Variants in ABCA9 observed in about 807,000 individuals in gnomAD.
ABCA9 encodes ATP-binding cassette sub-family A member 9.
In ABCA9, 183 loss-of-function variants were observed where a neutral mutation model predicts 205.3. The ratio of observed to expected loss-of-function variants is 0.89; its 90% CI spans 0.79 to 1.01. The LOEUF is 1.01. ABCA9 is among the 50% of genes least tolerant of loss of function. ABCA9 has a pLI of 0.00. For missense variants in ABCA9, 1,805 were observed against 1,912.4 expected (o/e 0.94, Z 1.05); for synonymous variants, 651 against 683.3 (o/e 0.95, Z 0.74).
intron 23 of ABCA9, among the ~76,000 whole-genome samples, chr17:69,009,769 T>C (rs796247895): frequency 1.3e-5 from 2 of 152,276 alleles, no homozygotes; most frequent in African/African-American, 4.8e-5. Flanking sequence ...GAAAACTTTC[T>C]AGAAAGATTC....
the ABCA9 span, among the ~76,000 whole-genome samples, chr17:69,069,094 T>C: frequency 6.6e-6 from 1 of 152,182 alleles, no homozygotes; most frequent in Admixed American, 6.5e-5. Context: ...GTAAAGAGCG[T>C]GGAAGTCATT....
chr17:69,017,111 G>C (rs1180112974), intron 21 of ABCA9, among the ~76,000 whole-genome samples: 1 of 151,930 alleles, frequency 6.6e-6, no homozygotes, highest in Non-Finnish European at 1.5e-5. Context: ...CTTTATTTTT[G>C]GCATGGAGTT....
Position 69,044,478 on chromosome 17 carries a change from C to T in ABCA9, c.573+19G>A. ...AATTCAAATGCAATGTGGTTAGATT[C>T]CTTTAACTTTATACTCACTTCTATG... On this transcript the variant is annotated intron_variant, in intron 5 of 38. Coordinates refer to ENST00000340001, the MANE Select transcript of ABCA9 (RefSeq NM_080283.4). The T allele has an allele frequency of 6.2e-7, 1 of 1,603,394 alleles. No individual in the cohort carries two copies. The highest frequency in any genetic ancestry group is 8.5e-7 in the Non-Finnish European group (1 of 1,171,856).
upstream of ABCA9, among the ~76,000 whole-genome samples, chr17:69,063,015 C>G (rs1381828815): frequency 6.6e-6 from 1 of 152,186 alleles, no homozygotes; most frequent in East Asian, 1.9e-4. Context: ...AGGCATTATT[C>G]TAATCAACCC....
intron 30 of ABCA9, 87 bp downstream of exon 30, chr17:68,989,726 T>C (rs1303272948): frequency 6.2e-6 from 5 of 803,208 alleles, no homozygotes; most frequent in South Asian, 1.8e-5. Flanking sequence ...TGTCAATAGA[T>C]GTCCCCAGAT....
chr17:69,015,572 TC>T (rs1475015588), intron 22 of ABCA9, among the ~76,000 whole-genome samples: 1 of 152,146 alleles, frequency 6.6e-6, no homozygotes, highest in East Asian at 1.9e-4. Context: ...TTTTGATGCA[TC>T]CCAAGAAAAA....
chr17:69,008,337 T>G (rs1392670381), intron 23 of ABCA9, 102 bp from the exon 24 acceptor site: 1 of 1,086,210 alleles, frequency 9.2e-7, no homozygotes, highest in Non-Finnish European at 1.4e-6. Context: ...CTTCGCCTTT[T>G]AGAAATATTA....
the ABCA9 span, among the ~76,000 whole-genome samples, chr17:69,068,015 G>A: frequency 6.6e-6 from 1 of 152,118 alleles, no homozygotes; most frequent in Non-Finnish European, 1.5e-5. Context: ...CACAATATCT[G>A]GGGGGCACTA....
chr17:69,049,459 A>G lies in ABCA9; in HGVS notation c.128T>C (p.Phe43Ser). ...EWLFSFLLVL[F>S]LYLFFSNLHQ... ...TAAATTGGAGAAAAATAGGTACAGA[A>G]ACAGTACCAGAAGAAATGAAAAGAG... is the stretch of plus-strand genomic sequence containing the variant. Residue 43 changes from phenylalanine to serine, a missense_variant, in exon 3 of 39, where the codon TTT becomes TCT. Transcript: ENST00000340001. 1 of 1,612,596 alleles carries G rather than the reference A, an allele frequency of 6.2e-7. No homozygotes were observed. The highest frequency in any genetic ancestry group is 8.5e-7 in the Non-Finnish European group (1 of 1,179,106).
At chr17:68,983,407 G>A (rs1475803414) in intron 36 of ABCA9, among the ~76,000 whole-genome samples, 2 of 152,088 alleles carry the variant, frequency 1.3e-5, no homozygotes. Context: ...CCTTTAATGA[G>A]GGATGGTTTT....
chr17:69,066,426 T>G, the ABCA9 span, among the ~76,000 whole-genome samples: 6 of 152,042 alleles, frequency 3.9e-5, no homozygotes, highest in African/African-American at 1.4e-4. Flanking sequence ...GGTTGTAGGT[T>G]GGGTGGTAGT....
chr17:69,028,471 A>C (rs1169830501), intron 12 of ABCA9, 64 bp downstream of exon 12: 10 of 1,176,074 alleles, frequency 8.5e-6, no homozygotes, highest in Non-Finnish European at 1.2e-5. Flanking sequence ...AGCCCCAGTT[A>C]AATAATTAAA....
the ABCA9 span, among the ~76,000 whole-genome samples, chr17:69,067,511 G>A: frequency 6.6e-6 from 1 of 150,602 alleles, no homozygotes; most frequent in Non-Finnish European, 1.5e-5. Flanking sequence ...AGCTGAGATG[G>A]CGCCACAGCC....
At chr17:68,985,814 C>T (rs537218819) in intron 32 of ABCA9, among the ~76,000 whole-genome samples, 1 of 149,934 alleles carries the variant, frequency 6.7e-6, no homozygotes, top group Admixed American at 6.6e-5. Flanking sequence ...AAAGTTAGCC[C>T]GGCATGATGG....
intron 6 of ABCA9, among the ~76,000 whole-genome samples, chr17:69,037,305 A>C (rs1203287580): frequency 6.6e-6 from 1 of 152,194 alleles, no homozygotes; most frequent in East Asian, 1.9e-4. Context: ...AATCGACTAC[A>C]TAATCGGAAG....
chr17:69,000,050 C>G (rs928977727), intron 25 of ABCA9, among the ~76,000 whole-genome samples: 3 of 151,690 alleles, frequency 2.0e-5, no homozygotes, highest in Non-Finnish European at 1.5e-5. Flanking sequence ...GAGTAGGTTG[C>G]GAAAATTTTC....
upstream of ABCA9, among the ~76,000 whole-genome samples, chr17:69,063,268 C>T (rs62082715): frequency 2.0e-3 from 307 of 152,302 alleles, no homozygotes; most frequent in Non-Finnish European, 3.7e-3. Context: ...CAGTATTCTC[C>T]AGTGCCAGAA....
At chr17:69,026,850 A>G in intron 15 of ABCA9, 126 bp downstream of exon 15, 1 of 1,193,076 alleles carries the variant, frequency 8.4e-7, no homozygotes, top group Non-Finnish European at 1.2e-6. Flanking sequence ...ACAAATGAGT[A>G]AGAGCAAAAT....
At chr17:69,005,192 T>C (rs989628289) in intron 25 of ABCA9, among the ~76,000 whole-genome samples, 9 of 152,236 alleles carry the variant, frequency 5.9e-5, no homozygotes, top group Non-Finnish European at 1.2e-4. Flanking sequence ...TGTAGGGCCT[T>C]GCTTTCTATC....
Sources: allele counts gnomAD v4.1 joint callset (sites outside exome capture counted in the v4.1 genomes callset), GRCh38; gene constraint gnomAD v4.1.1; transcripts MANE v1.5; gene names NCBI Gene and HGNC (gene_info 2026-07-23, HGNC 2026-07-21).